The following MGAM2 variants were observed in gnomAD, a reference collection of about 807,000 sequenced individuals.
MGAM2 encodes the protein maltase-glucoamylase 2 (putative), also known as probable maltase-glucoamylase 2.
Under a neutral mutation model 96.1 loss-of-function variants are expected in MGAM2, and 98 were observed. The observed-to-expected ratio is 1.02, with a 90% CI of 0.87 to 1.21. The LOEUF (loss-of-function observed/expected upper bound fraction) is 1.21, where lower values mean the gene tolerates loss of function less well. MGAM2 is among the 50% of genes most tolerant of loss of function. MGAM2 has a pLI of 0.00. For missense variants in MGAM2, 2,055 were observed against 1,182.4 expected (o/e 1.74, Z -10.82); for synonymous variants, 749 against 414.8 (o/e 1.81, Z -9.79).
intron 12 of MGAM2, among the ~76,000 whole-genome samples, chr7:142,142,136 C>T (rs921260850): frequency 7.0e-6 from 1 of 141,860 alleles, no homozygotes; most frequent in Non-Finnish European, 1.5e-5. Context: ...CTTTCATTGA[C>T]TCTTTCGATG....
chr7:142,180,194 G>T (rs1796496868), intron 32 of MGAM2, among the ~76,000 whole-genome samples: 1 of 151,928 alleles, frequency 6.6e-6, no homozygotes, highest in Non-Finnish European at 1.5e-5. Context: ...TGTGTGATTG[G>T]GTGTAATGTC....
chr7:142,218,488 G>A lies in MGAM2; in HGVS notation c.5315G>A (p.Arg1772Gln), dbSNP rs751007006. ...VTQVSFTYDN[R>Q]QFMETNFKSE... ...CAAGTCAGTTTCACCTATGACAACC[G>A]GCAATTTATGGAGACAAATTTCAAG... Residue 1772 changes from arginine to glutamine, a missense_variant, in exon 47 of 48, where the codon CGG becomes CAG. Transcript: ENST00000477922. 1.0e-5 allele frequency: 7 copies of A among 699,936 alleles called. No homozygotes were observed. In the East Asian group the frequency reaches 1.3e-4, roughly 13 times the overall value. 43.4% of individuals were successfully genotyped at this position (699,936 alleles called of 1,614,324 possible).
At chr7:142,208,491 TGGTTTCTGACCACGCTCAA>T in intron 45 of MGAM2, 63 bp from the exon 46 acceptor site, 1 of 689,628 alleles carries the variant, frequency 1.5e-6, no homozygotes. Flanking sequence ...ATTGAGAGTG[TGGTTTCTGACCACGCTCAA>T]GATTATTTGC....
In MGAM2 at chr7:142,133,964, C is replaced by T. The variant is rs769293385; in HGVS notation, c.576-17C>T. On this transcript the variant is annotated splice_polypyrimidine_tract_variant and intron_variant, in intron 6 of 47. Transcript: ENST00000477922. ...GTGTTTTTCGGTGATTCTTGCTCTA[C>T]TTACCCCATGGCCCAGGTTGGACAC... The T allele has an allele frequency of 8.6e-6, 6 of 697,544 alleles. No individual in the cohort carries two copies. In the South Asian group the frequency reaches 9.0e-5, roughly 10 times the overall value. 43.2% of individuals were successfully genotyped at this position (697,544 alleles called of 1,614,324 possible).
intron 46 of MGAM2, among the ~76,000 whole-genome samples, chr7:142,211,834 C>A (rs1361685303): frequency 6.6e-6 from 1 of 152,262 alleles, no homozygotes; most frequent in East Asian, 1.9e-4. Flanking sequence ...TCAGGAAATA[C>A]AGAGAACACC....
rs1795307266 is a variant in MGAM2 at position 142,143,837 on chromosome 7, G to C, written c.1386G>C (p.Gln462His). The change falls in exon 13 of 48, where the codon CAG (glutamine) becomes CAC (histidine). Residue 462 changes from glutamine to histidine, a missense_variant. By Grantham distance (24) the Gln-to-His change is conservative (BLOSUM62 0). Transcript: ENST00000477922. ...NPVCTEWWTDQVAKFHDHLEF... is the reference protein window; with the variant it reads ...NPVCTEWWTDHVAKFHDHLEF... ...TATGCACTGAGTGGTGGACAGATCA[G>C]GTCGCTAAATTTCATGATCATCTGG... 2 of 702,820 alleles carry C rather than the reference G, an allele frequency of 2.8e-6. No homozygotes were observed. Among genetic ancestry groups the C allele is most frequent in the East Asian group, 5.4e-5 (2 of 37,280 alleles). 43.5% of individuals were successfully genotyped at this position (702,820 alleles called of 1,614,324 possible).
chr7:142,113,381 A>AAT (rs1817241203), intron 1 of MGAM2, among the ~76,000 whole-genome samples: 1 of 152,176 alleles, frequency 6.6e-6, no homozygotes, highest in African/African-American at 2.4e-5. Context: ...GATCCATTAA[A>AAT]GGCTTGAATA....
chr7:142,151,963 C>T (rs950569480), intron 15 of MGAM2, among the ~76,000 whole-genome samples: 1 of 152,144 alleles, frequency 6.6e-6, no homozygotes, highest in African/African-American at 2.4e-5. Flanking sequence ...AAATATTTGG[C>T]TCAACCTTAA....
intron 45 of MGAM2, among the ~76,000 whole-genome samples, chr7:142,207,247 A>G (rs978640528): frequency 2.0e-5 from 3 of 152,142 alleles, no homozygotes; most frequent in African/African-American, 4.8e-5. Flanking sequence ...AAAAATCCTG[A>G]ACAGTGTGAG....
intron 31 of MGAM2, among the ~76,000 whole-genome samples, chr7:142,174,948 A>T (rs1585188422): frequency 6.6e-6 from 1 of 151,952 alleles, no homozygotes; most frequent in African/African-American, 2.4e-5. Flanking sequence ...TGAACTCCTG[A>T]TCTCAGGTGA....
At position 142,189,390 on chromosome 7, in the gene MGAM2, C is replaced by A; in HGVS notation, c.4231C>A (p.Leu1411Met). The A allele has an allele frequency of 1.4e-6, 1 of 713,228 alleles. No individual in the cohort carries two copies. Among genetic ancestry groups the A allele is most frequent in the Admixed American group, 2.0e-5 (1 of 49,052 alleles). 44.2% of individuals were successfully genotyped at this position (713,228 alleles called of 1,614,324 possible). Residue 1411 changes from leucine to methionine, a missense_variant, in exon 37 of 48, where the codon CTG becomes ATG. By Grantham distance (15) the Leu-to-Met change is conservative. Transcript: ENST00000477922. ...MPYLESRDKG[L>M]SSKTLCMESQ... The stretch of plus-strand genomic sequence containing the variant: ...AGATTTGGAATCTAGGGACAAGGGC[C>A]TGAGCAGCAAGACTCTGTGCATGGA...
rs565104866 is a variant in MGAM2 at position 142,115,047 on chromosome 7, C to T, written c.1-1827C>T. On this transcript the variant is annotated intron_variant, in intron 1 of 47. Coordinates refer to ENST00000477922, the MANE Select transcript of MGAM2 (RefSeq NM_001293626.2). Reference sequence around the variant, plus strand: ...CCTGGCCAACGTGGTGAAATCCTATCTCTACTAAAAATACAAAAAGTTAGC... The same window carrying T: ...CCTGGCCAACGTGGTGAAATCCTATTTCTACTAAAAATACAAAAAGTTAGC... 7.2e-5 allele frequency among the ~76,000 whole-genome samples: 11 copies of T among 152,148 alleles called. No individual in the cohort carries two copies. In the South Asian group the frequency reaches 2.3e-3, roughly 32 times the overall value.
rs545691605 is a variant in MGAM2, at chr7:142,114,235, A to G, written c.-1+2428A>G. On this transcript the variant is annotated intron_variant, in intron 1 of 47. Coordinates refer to ENST00000477922, the MANE Select transcript of MGAM2 (RefSeq NM_001293626.2). ...GAAAGAGAGAAAGAAAGAAAGAAAT[A>G]GGAGACTACAAAGAATATTGAAGAT... Among the ~76,000 whole-genome samples, 22 of 94,186 alleles carry G rather than the reference A, an allele frequency of 2.3e-4. 4 individuals carry two copies. The highest frequency in any genetic ancestry group is 6.1e-4 in the Admixed American group (5 of 8,212). 61.8% of individuals were successfully genotyped at this position (94,186 alleles called of 152,430 possible). A position where few individuals can be genotyped will look rare whatever the true frequency, so the allele number is the denominator to read the frequency against.
rs576736820 is a variant in MGAM2 at position 142,180,856 on chromosome 7, A to T, written c.3817-2410A>T. ...TGTTAATACTTGCAATTGTGTTATA[A>T]TTTTTTGTTTTAATCCCAGAAGTTG... On this transcript the variant is annotated intron_variant, in intron 32 of 47. Transcript: ENST00000477922. Among the ~76,000 whole-genome samples, 24 of 152,186 alleles carry T rather than the reference A, an allele frequency of 1.6e-4. No individual in the cohort carries two copies. The East Asian group carries it at 4.1e-3, about 26-fold the overall frequency.
At chr7:142,128,109 CAA>C (rs1794779409) in intron 3 of MGAM2, among the ~76,000 whole-genome samples, 1 of 152,072 alleles carries the variant, frequency 6.6e-6, no homozygotes, top group South Asian at 2.1e-4. Context: ...TATGTTTTAG[CAA>C]AGAGACTGGT....
intron 46 of MGAM2, among the ~76,000 whole-genome samples, chr7:142,210,371 C>T (rs1385560362): frequency 2.0e-5 from 3 of 152,044 alleles, no homozygotes; most frequent in African/African-American, 7.2e-5. Flanking sequence ...CCTGGAAAGC[C>T]AGGGAGCCGA....
At chr7:142,113,449 C>T (rs551834091) in intron 1 of MGAM2, among the ~76,000 whole-genome samples, 158 of 151,978 alleles carry the variant, frequency 1.0e-3, no homozygotes, top group African/African-American at 3.5e-3. Context: ...CCAAAGATAC[C>T]GGGAAAGTAG....
At position 142,212,074 on chromosome 7, in the gene MGAM2, T is replaced by C. The variant is rs187907944; in HGVS notation, c.5187+3452T>C. Among the ~76,000 whole-genome samples the C allele has an allele frequency of 2.3e-3, 345 of 152,314 alleles. 3 individuals carry two copies. Among genetic ancestry groups the C allele is most frequent in the African/African-American group, 7.6e-3 (317 of 41,574 alleles). On this transcript the variant is annotated intron_variant, in intron 46 of 47. Coordinates refer to ENST00000477922, the MANE Select transcript of MGAM2 (RefSeq NM_001293626.2). ...AGAAAAGAATTTTCAACCCAGAATT[T>C]CAAATCCAGCCAAACTAAGCTTCAT...
At chr7:142,172,292 G>A in intron 29 of MGAM2, 98 bp downstream of exon 29, 1 of 565,426 alleles carries the variant, frequency 1.8e-6, no homozygotes, top group South Asian at 2.3e-5. Context: ...CAGGGGGCAA[G>A]GGAAATGGAA....
Sources: allele counts gnomAD v4.1 joint callset (sites outside exome capture counted in the v4.1 genomes callset), GRCh38; gene constraint gnomAD v4.1.1; transcripts MANE v1.5; gene names NCBI Gene and HGNC (gene_info 2026-07-23, HGNC 2026-07-21).